The following SLC23A2 variants were observed in gnomAD, a reference collection of about 807,000 sequenced individuals.
SLC23A2 encodes the protein solute carrier family 23 member 2.
In SLC23A2, 36 loss-of-function variants were observed where a neutral mutation model predicts 73.3. The ratio of observed to expected loss-of-function variants is 0.49; its 90% CI spans 0.38 to 0.65. The LOEUF (loss-of-function observed/expected upper bound fraction) is 0.65, where lower values mean the gene tolerates loss of function less well. SLC23A2 is among the 30% of genes least tolerant of loss of function. SLC23A2 has a pLI of 0.00. For missense variants in SLC23A2, 507 were observed against 841.6 expected, an observed-to-expected ratio of 0.60 and a Z score of 4.92; for synonymous variants, 343 against 327.3, an observed-to-expected ratio of 1.05 and a Z score of -0.52.
chr20:4,974,339 T>A (rs1298538861), intron 1 of SLC23A2, among the ~76,000 whole-genome samples: 1 of 152,024 alleles, frequency 6.6e-6, no homozygotes, highest in African/African-American at 2.4e-5. Context: ...TGGTGGCGCA[T>A]GCCTGTAATT....
upstream of SLC23A2, among the ~76,000 whole-genome samples, chr20:5,004,832 TC>T (rs2088172956): frequency 6.6e-6 from 1 of 151,990 alleles, no homozygotes; most frequent in Non-Finnish European, 1.5e-5. Flanking sequence ...AAACCCTGTC[TC>T]TACTAAAAAT....
At chr20:4,870,077 A>C (rs1470402409) in intron 11 of SLC23A2, 24 bp from the exon 12 acceptor site, 2 of 1,576,214 alleles carry the variant, frequency 1.3e-6, no homozygotes, top group South Asian at 2.4e-5. Flanking sequence ...ACAACCATGA[A>C]TGCTCCTAGA....
chr20:4,893,584 T>C (rs953768766), intron 6 of SLC23A2, among the ~76,000 whole-genome samples: 7 of 152,140 alleles, frequency 4.6e-5, no homozygotes, highest in Admixed American at 4.6e-4. Flanking sequence ...GCACATATCA[T>C]GGACAAGGTT....
rs1413980970 is a variant in SLC23A2 at position 4,959,968 on chromosome 20, T to C, written c.-155+10825A>G. ...TCAGCTAATTATTTTTTATTGTCAT[T>C]GTTTTTGTAGAGATGAGGTCTCGCT... is the stretch of plus-strand genomic sequence containing the variant. On this transcript the variant is annotated intron_variant, in intron 2 of 16. Transcript: ENST00000338244. Among the ~76,000 whole-genome samples the C allele has an allele frequency of 2.0e-5, 3 of 152,032 alleles. No homozygotes were observed. In the South Asian group the frequency reaches 6.2e-4, roughly 32 times the overall value.
intron 4 of SLC23A2, among the ~76,000 whole-genome samples, chr20:4,907,039 A>G (rs1456641579): frequency 6.6e-6 from 1 of 152,234 alleles, no homozygotes; most frequent in East Asian, 1.9e-4. Context: ...CTGGTCAGAC[A>G]GTGTGTTAAC....
At chr20:4,911,530 G>A (rs1164623100) in intron 4 of SLC23A2, among the ~76,000 whole-genome samples, 2 of 151,854 alleles carry the variant, frequency 1.3e-5, no homozygotes, top group Non-Finnish European at 2.9e-5. Context: ...TCAACTTCTG[G>A]GTGGTCTGTT....
At position 4,854,740 on chromosome 20, in the gene SLC23A2, C is replaced by T. The variant is rs1929653026; in HGVS notation, c.*2232G>A. The T allele has an allele frequency of 6.6e-6, 1 of 152,300 alleles. No homozygotes were observed. Among genetic ancestry groups the T allele is most frequent in the South Asian group, 2.1e-4 (1 of 4,826 alleles). The allele number at this position is 152,300 out of a possible 1,614,324, so 9.4% of individuals were successfully genotyped here. Reference sequence around the variant, plus strand: ...CAGAAGGGAGTGGGTTTCTGGATGACTAGAGCAGACACCTTGAGTGTTATG... The same window carrying T: ...CAGAAGGGAGTGGGTTTCTGGATGATTAGAGCAGACACCTTGAGTGTTATG... On this transcript the variant is annotated 3_prime_UTR_variant, in exon 17 of 17. Coordinates refer to ENST00000338244, the MANE Select transcript of SLC23A2 (RefSeq NM_005116.6).
At chr20:4,908,701 G>A (rs1291506232) in intron 4 of SLC23A2, among the ~76,000 whole-genome samples, 1 of 152,198 alleles carries the variant, frequency 6.6e-6, no homozygotes, top group Non-Finnish European at 1.5e-5. Flanking sequence ...GGCCGAAGCA[G>A]GTAGATTCCT....
At chr20:4,938,746 C>T (rs963127175) in intron 2 of SLC23A2, among the ~76,000 whole-genome samples, 1 of 152,206 alleles carries the variant, frequency 6.6e-6, no homozygotes, top group Non-Finnish European at 1.5e-5. Flanking sequence ...AATTCCTTCA[C>T]AAGAGGTGAC....
intron 2 of SLC23A2, among the ~76,000 whole-genome samples, chr20:4,960,399 T>C (rs2087362452): frequency 6.6e-6 from 1 of 152,214 alleles, no homozygotes; most frequent in Non-Finnish European, 1.5e-5. Flanking sequence ...GCAAGGCCAG[T>C]TAGCATACTT....
At position 4,890,081 on chromosome 20, in the gene SLC23A2, G is replaced by A. The variant is rs566076593; in HGVS notation, c.483-4172C>T. Among the ~76,000 whole-genome samples the A allele has an allele frequency of 6.4e-4, 98 of 152,160 alleles. 1 individual carries two copies. The highest frequency in any genetic ancestry group is 9.8e-4 in the Admixed American group (15 of 15,288). On this transcript the variant is annotated intron_variant, in intron 6 of 16. Coordinates refer to ENST00000338244, the MANE Select transcript of SLC23A2 (RefSeq NM_005116.6). ...GGGAAACACCATGAAGATACAAAATGTATCTGCCCAGAACTAAACTGTTAA... is the reference window on the plus strand; with the variant it reads ...GGGAAACACCATGAAGATACAAAATATATCTGCCCAGAACTAAACTGTTAA...
At position 4,863,224 on chromosome 20, in the gene SLC23A2, T is replaced by C. The variant is rs1259923391; in HGVS notation, c.1357-317A>G. ...TATCCCCTGGGTTCCCGGCACCACA[T>C]GTCACCAAGGCAATTTCCCCCAAAG... On this transcript the variant is annotated intron_variant, in intron 13 of 16. Transcript: ENST00000338244. This position sits in a 1 kb window ranked among gnomAD's most constrained non-coding sequence, Gnocchi z 4.8. 1.3e-5 allele frequency among the ~76,000 whole-genome samples: 2 copies of C among 152,086 alleles called. No individual in the cohort carries two copies. Among genetic ancestry groups the C allele is most frequent in the Non-Finnish European group, 2.9e-5 (2 of 68,002 alleles).
At chr20:4,997,474 C>T (rs1385589946) in intron 1 of SLC23A2, among the ~76,000 whole-genome samples, 5 of 152,002 alleles carry the variant, frequency 3.3e-5, no homozygotes, top group Admixed American at 1.3e-4. Context: ...TGACTCAAGC[C>T]CTCTGCTATG....
intron 6 of SLC23A2, among the ~76,000 whole-genome samples, chr20:4,890,404 G>C (rs1931286704): frequency 6.6e-6 from 1 of 152,094 alleles, no homozygotes; most frequent in Non-Finnish European, 1.5e-5. Context: ...TGTAATCCCA[G>C]TACTTCGGGA....
At chr20:4,958,719 C>T (rs1369200010) in intron 2 of SLC23A2, among the ~76,000 whole-genome samples, 3 of 151,918 alleles carry the variant, frequency 2.0e-5, no homozygotes, top group Non-Finnish European at 2.9e-5. Flanking sequence ...TGAGCCACCG[C>T]GCCTGGCTGA....
In SLC23A2 at chr20:4,922,428, C is replaced by T. The variant is rs568367250; in HGVS notation, c.109-9450G>A. ...GGAAAGGAAGGAAGCTTGTCAACTACTTCTGATGCATTCCTGTCACAGCAT... is the reference window on the plus strand; with the variant it reads ...GGAAAGGAAGGAAGCTTGTCAACTATTTCTGATGCATTCCTGTCACAGCAT... On this transcript the variant is annotated intron_variant, in intron 3 of 16. Transcript: ENST00000338244. 1.2e-4 allele frequency among the ~76,000 whole-genome samples: 19 copies of T among 152,294 alleles called. 1 individual carries two copies. The highest frequency in any genetic ancestry group is 4.3e-4 in the African/African-American group (18 of 41,564).
chr20:4,902,669 T>C lies in SLC23A2; in HGVS notation c.208-111A>G. On this transcript the variant is annotated intron_variant, in intron 4 of 16. Transcript: ENST00000338244. This position sits in a 1 kb window ranked among gnomAD's most constrained non-coding sequence, Gnocchi z 4.0. Reference sequence around the variant, plus strand: ...AAACAACTTTATCAAGTGGTTGCCATCTTCCTGCAGTTTTGAGCCTTGGCT... The same window carrying C: ...AAACAACTTTATCAAGTGGTTGCCACCTTCCTGCAGTTTTGAGCCTTGGCT... 1.7e-6 allele frequency: 1 copy of C among 586,458 alleles called. No individual in the cohort carries two copies. The highest frequency in any genetic ancestry group is 3.0e-6 in the Non-Finnish European group (1 of 329,514). The allele number at this position is 586,458 out of a possible 1,614,324, so 36.3% of individuals were successfully genotyped here.
chr20:4,908,631 A>C (rs1197704376), intron 4 of SLC23A2, among the ~76,000 whole-genome samples: 1 of 152,242 alleles, frequency 6.6e-6, no homozygotes, highest in African/African-American at 2.4e-5. Flanking sequence ...ATCAGTGTTA[A>C]GAATTGTACT....
At chr20:4,909,966 G>A (rs762792752) in intron 4 of SLC23A2, among the ~76,000 whole-genome samples, 10 of 152,126 alleles carry the variant, frequency 6.6e-5, no homozygotes, top group Non-Finnish European at 1.2e-4. Context: ...TTGAAACAAC[G>A]GGCAGCAAAA....
Sources: allele counts gnomAD v4.1 joint callset (sites outside exome capture counted in the v4.1 genomes callset), GRCh38; gene constraint gnomAD v4.1.1; non-coding constraint Gnocchi (gnomAD v3.1); transcripts MANE v1.5; gene names NCBI Gene and HGNC (gene_info 2026-07-23, HGNC 2026-07-21).